CAPN7: variants seen among roughly 807,000 people sequenced by gnomAD.
CAPN7 encodes the protein calpain-7.
In CAPN7, 72 loss-of-function variants were observed where a neutral mutation model predicts 115.2. That is an observed-to-expected ratio of 0.63 (90% CI 0.52 to 0.76). The LOEUF (loss-of-function observed/expected upper bound fraction) is 0.76, where lower values mean the gene tolerates loss of function less well. Ranked by LOEUF, CAPN7 falls within the 30% of genes least tolerant of loss-of-function variation. CAPN7 has a pLI of 0.00. For missense variants in CAPN7, 905 were observed against 971.5 expected (o/e 0.93, Z 0.91); for synonymous variants, 344 against 322.3 (o/e 1.07, Z -0.72).
intron 15 of CAPN7, among the ~76,000 whole-genome samples, chr3:15,241,820 T>TA (rs1454411618): frequency 6.6e-6 from 1 of 152,176 alleles, no homozygotes; most frequent in East Asian, 1.9e-4. Context: ...AGTTTGTGCT[T>TA]TTCAGTGAGG....
chr3:15,240,723 T>C, intron 13 of CAPN7, 31 bp from the exon 14 acceptor site: 1 of 1,575,938 alleles, frequency 6.3e-7, no homozygotes, highest in Non-Finnish European at 8.7e-7. Flanking sequence ...CATTAAGATT[T>C]TTTTAGATTA....
chr3:15,212,984 T>G (rs754497390), intron 2 of CAPN7, among the ~76,000 whole-genome samples: 1 of 152,210 alleles, frequency 6.6e-6, no homozygotes, highest in African/African-American at 2.4e-5. Context: ...ATTTAATCAT[T>G]GGATTCCTTG....
intron 12 of CAPN7, among the ~76,000 whole-genome samples, chr3:15,236,147 A>G (rs1040206994): frequency 6.6e-6 from 1 of 152,186 alleles, no homozygotes; most frequent in African/African-American, 2.4e-5. Flanking sequence ...CTTCAGCCTG[A>G]GTGATAGAGA....
Position 15,242,191 on chromosome 3 carries a change from A to G in CAPN7, c.1802A>G (p.Asn601Ser). ...TTGTGATTTTAGGATGATTTTGCGA[A>G]TAATCGAGAATTTATCACAATGGTT... is the stretch of plus-strand genomic sequence containing the variant. ...RHITDKDDFA[N>S]NREFITMVVY... Residue 601 changes from asparagine to serine, a missense_variant, in exon 16 of 21, where the codon AAT (asparagine) becomes AGT (serine). Physicochemically the swap from Asn to Ser is conservative, Grantham distance 46. This residue lies in a region of CAPN7 where 620 missense variants were observed against 703.4 expected (regional missense o/e 0.88). Coordinates refer to ENST00000253693, the MANE Select transcript of CAPN7 (RefSeq NM_014296.3). 2 of 1,602,060 alleles carry G rather than the reference A, an allele frequency of 1.2e-6. No homozygotes were observed. Among genetic ancestry groups the G allele is most frequent in the Non-Finnish European group, 1.7e-6 (2 of 1,176,642 alleles).
In CAPN7 at chr3:15,251,315, T is replaced by C; in HGVS notation, c.*55T>C. On this transcript the variant is annotated 3_prime_UTR_variant, in exon 21 of 21. Coordinates refer to ENST00000253693, the MANE Select transcript of CAPN7 (RefSeq NM_014296.3). ...ACTTACCAAACATCAGTTCTTCAAA[T>C]AAGGACGCAAATCTTCAGGACAGTA... 2 of 1,405,038 alleles carry C rather than the reference T, an allele frequency of 1.4e-6. No homozygotes were observed. Among genetic ancestry groups the C allele is most frequent in the Middle Eastern group, 2.0e-4 (1 of 4,914 alleles). 87.0% of individuals were successfully genotyped at this position (1,405,038 alleles called of 1,614,324 possible).
intron 1 of CAPN7, among the ~76,000 whole-genome samples, chr3:15,208,494 G>A (rs920510248): frequency 8.1e-5 from 11 of 136,190 alleles, no homozygotes; most frequent in African/African-American, 1.1e-4. Context: ...ATGGAGTCTC[G>A]CTGTGTTGCC....
In CAPN7 at chr3:15,240,479, C is replaced by T. The variant is rs755986328; in HGVS notation, c.1414C>T (p.Arg472Ter). Residue 472 changes from arginine to a stop codon, truncating the protein, a stop_gained, in exon 13 of 21, where the codon CGA (arginine) becomes TGA (stop). Coordinates refer to ENST00000253693, the MANE Select transcript of CAPN7 (RefSeq NM_014296.3). LOFTEE classifies it high-confidence loss of function. ...CTGTTTCTTTTTTATATAGGGGCTG[C>T]GATTTATCCAGTTGAAAAATCCTTG... ...VLDIREFKGL[R>*]FIQLKNPWSH... 11 of 1,608,770 alleles carry T rather than the reference C, an allele frequency of 6.8e-6. No homozygotes were observed. The highest frequency in any genetic ancestry group is 1.7e-5 in the Admixed American group (1 of 58,922).
chr3:15,235,813 G>A (rs73140135), intron 12 of CAPN7, among the ~76,000 whole-genome samples: 24 of 152,166 alleles, frequency 1.6e-4, no homozygotes, highest in African/African-American at 4.8e-4. Context: ...TCTGTGGCCC[G>A]GGGGTTGGGG....
intron 1 of CAPN7, among the ~76,000 whole-genome samples, chr3:15,208,762 T>C (rs2044771704): frequency 6.6e-6 from 1 of 152,186 alleles, no homozygotes; most frequent in South Asian, 2.1e-4. Context: ...AATTGATAAA[T>C]CAAAGGGTAT....
At chr3:15,223,380 G>A (rs1694116575) in intron 5 of CAPN7, 95 bp from the exon 6 acceptor site, 1 of 777,444 alleles carries the variant, frequency 1.3e-6, no homozygotes, top group Admixed American at 1.9e-5. Flanking sequence ...TTTTAATACA[G>A]TATCATACCT....
In CAPN7 at chr3:15,217,709, C is replaced by T. The variant is rs112196207; in HGVS notation, c.369+127C>T. The T allele has an allele frequency of 9.2e-4, 604 of 656,704 alleles. 7 individuals carry two copies. In the African/African-American group the frequency reaches 9.9e-3, roughly 11 times the overall value. The allele number at this position is 656,704 out of a possible 1,614,324, so 40.7% of individuals were successfully genotyped here. On this transcript the variant is annotated intron_variant, in intron 3 of 20. Transcript: ENST00000253693. The stretch of plus-strand genomic sequence containing the variant: ...ATAAAAAAAATTATTTTAAATGTAA[C>T]AACTACTCCTCAATATAAGATGATG...
At position 15,227,981 on chromosome 3, in the gene CAPN7, G is replaced by A; in HGVS notation, c.852+16G>A. The A allele has an allele frequency of 1.4e-6, 2 of 1,409,292 alleles. No individual in the cohort carries two copies. The highest frequency in any genetic ancestry group is 1.9e-6 in the Non-Finnish European group (2 of 1,074,758). The allele number at this position is 1,409,292 out of a possible 1,614,324, so 87.3% of individuals were successfully genotyped here. A position where few individuals can be genotyped will look rare whatever the true frequency, so the allele number is the denominator to read the frequency against. On this transcript the variant is annotated intron_variant, in intron 7 of 20. Transcript: ENST00000253693. ...CATAAAGCAGGTGAGCATTTATTTT[G>A]TATGATTTTATAGAAAAGTCAGCAT...
At position 15,206,711 on chromosome 3, in the gene CAPN7, C is replaced by T. The variant is rs950428411; in HGVS notation, c.102+114C>T. The T allele has an allele frequency of 9.7e-6, 7 of 722,974 alleles. No individual in the cohort carries two copies. In the Admixed American group the frequency reaches 1.2e-4, roughly 12 times the overall value. The allele number at this position is 722,974 out of a possible 1,614,324, so 44.8% of individuals were successfully genotyped here. ...GCTAGCGGCCCCGGCTTTGCTTTTC[C>T]CTCGTCCGCCTCCCGGCCCTCCTCT... On this transcript the variant is annotated intron_variant, in intron 1 of 20. Coordinates refer to ENST00000253693, the MANE Select transcript of CAPN7 (RefSeq NM_014296.3).
At chr3:15,238,678 T>C (rs1033184244) in intron 12 of CAPN7, among the ~76,000 whole-genome samples, 6 of 152,092 alleles carry the variant, frequency 3.9e-5, no homozygotes, top group Non-Finnish European at 8.8e-5. Flanking sequence ...TGGGTCATTT[T>C]TGTGTTTTTG....
chr3:15,235,811 C>T (rs980942766), intron 12 of CAPN7, among the ~76,000 whole-genome samples: 5 of 152,086 alleles, frequency 3.3e-5, no homozygotes, highest in Non-Finnish European at 7.4e-5. Context: ...TGTCTGTGGC[C>T]CGGGGGTTGG....
chr3:15,229,765 C>G (rs1694574961), intron 8 of CAPN7, among the ~76,000 whole-genome samples: 1 of 151,774 alleles, frequency 6.6e-6, no homozygotes, highest in Non-Finnish European at 1.5e-5. Context: ...GGAAATATAA[C>G]ATATTTCTGT....
chr3:15,242,124 T>G (rs1465226882), intron 15 of CAPN7, 54 bp from the exon 16 acceptor site: 17 of 1,144,636 alleles, frequency 1.5e-5, no homozygotes, highest in Non-Finnish European at 1.9e-5. Flanking sequence ...AAAAAGAAAA[T>G]AAATAGCATT....
At chr3:15,250,249 T>C (rs931588891) in intron 19 of CAPN7, among the ~76,000 whole-genome samples, 1 of 151,666 alleles carries the variant, frequency 6.6e-6, no homozygotes, top group Non-Finnish European at 1.5e-5. Flanking sequence ...TGGTGGTACA[T>C]ACCCATAGTC....
At chr3:15,232,950 C>T (rs1368526913) in intron 10 of CAPN7, among the ~76,000 whole-genome samples, 1 of 152,108 alleles carries the variant, frequency 6.6e-6, no homozygotes, top group Non-Finnish European at 1.5e-5. Flanking sequence ...GTCATATTGT[C>T]ATGTATTTTT....
Sources: gnomAD v4.1 joint callset for allele counts (sites outside exome capture counted in the v4.1 genomes callset) on GRCh38, gnomAD v4.1.1 for gene constraint, gnomAD v4.1.1 regional missense constraint, MANE v1.5 for transcripts, NCBI Gene and HGNC (gene_info 2026-07-23, HGNC 2026-07-21) for gene names.